The following CACNA2D1 variants were observed in gnomAD, a reference collection of about 807,000 sequenced individuals.
The protein encoded by CACNA2D1 is voltage-dependent calcium channel subunit alpha-2/delta-1.
A neutral mutation model predicts 171.5 loss-of-function variants in CACNA2D1; 53 were observed. The observed-to-expected ratio is 0.31, with a 90% CI of 0.25 to 0.39. CACNA2D1 has a LOEUF of 0.39. CACNA2D1 is among the 10% of genes least tolerant of loss of function. The pLI, the probability that CACNA2D1 is intolerant of heterozygous loss-of-function variation, is 1.00. For missense variants in CACNA2D1, 903 were observed against 1,299.8 expected (o/e 0.69, Z 4.69); for synonymous variants, 442 against 443.1 (o/e 1.00, Z 0.03).
intron 5 of CACNA2D1, among the ~76,000 whole-genome samples, chr7:82,135,145 G>A (rs745711719): frequency 3.7e-4 from 57 of 152,098 alleles, no homozygotes; most frequent in Non-Finnish European, 3.1e-4. Context: ...CTTAATTGGA[G>A]GATTGCACGT....
intron 3 of CACNA2D1, among the ~76,000 whole-genome samples, chr7:82,261,031 T>C (rs1335377687): frequency 1.3e-5 from 2 of 152,034 alleles, no homozygotes; most frequent in Non-Finnish European, 2.9e-5. Context: ...CTCGGCTTAC[T>C]GCAAGCTCCG....
intron 12 of CACNA2D1, among the ~76,000 whole-genome samples, chr7:82,027,383 G>T (rs1802066634): frequency 6.6e-6 from 1 of 151,680 alleles, no homozygotes; most frequent in Admixed American, 6.6e-5. Context: ...CATATGAAAT[G>T]TGGGACAGCA....
chr7:82,001,030 AG>A (rs1017944405), intron 18 of CACNA2D1, among the ~76,000 whole-genome samples: 1 of 151,964 alleles, frequency 6.6e-6, no homozygotes, highest in African/African-American at 2.4e-5. Context: ...GCTAAGCTAT[AG>A]GAAGTATCCT....
At chr7:82,219,574 T>A (rs1801532650) in intron 3 of CACNA2D1, among the ~76,000 whole-genome samples, 1 of 152,144 alleles carries the variant, frequency 6.6e-6, no homozygotes, top group South Asian at 2.1e-4. Context: ...TGACATTAAG[T>A]TGTGTTTTAA....
chr7:82,205,295 T>C (rs1325808273), intron 3 of CACNA2D1, among the ~76,000 whole-genome samples: 2 of 152,222 alleles, frequency 1.3e-5, no homozygotes, highest in Non-Finnish European at 2.9e-5. Context: ...TAAAATCATA[T>C]ATTTGCAATG....
In CACNA2D1 at chr7:82,005,929, T is replaced by C. The variant is rs2302384; in HGVS notation, c.1441-90A>G. The C allele has an allele frequency of 5.4e-3, 4,405 of 808,272 alleles. 36 individuals carry two copies. The highest frequency in any genetic ancestry group is 0.028 in the East Asian group (1,137 of 40,734). The allele number at this position is 808,272 out of a possible 1,614,324, so 50.1% of individuals were successfully genotyped here. Reference sequence around the variant, plus strand: ...ATATGATCATCTTTTGCTTGCATTATGGTTATATTCCACATTAGTTTAAAT... The same window carrying C: ...ATATGATCATCTTTTGCTTGCATTACGGTTATATTCCACATTAGTTTAAAT... On this transcript the variant is annotated intron_variant, in intron 16 of 38. Transcript: ENST00000356860.
chr7:82,383,749 C>T (rs1823980828), intron 1 of CACNA2D1, among the ~76,000 whole-genome samples: 1 of 152,160 alleles, frequency 6.6e-6, no homozygotes, highest in Admixed American at 6.5e-5. Flanking sequence ...CTACATTCTC[C>T]TATTATGAGT....
intron 7 of CACNA2D1, among the ~76,000 whole-genome samples, chr7:82,082,967 C>T (rs1046960839): frequency 6.6e-6 from 1 of 151,906 alleles, no homozygotes. Context: ...GTTCATAATA[C>T]AACTTATCTT....
At chr7:81,964,157 G>C in intron 33 of CACNA2D1, 49 bp from the exon 34 acceptor site, 1 of 1,606,892 alleles carries the variant, frequency 6.2e-7, no homozygotes, top group East Asian at 2.2e-5. Flanking sequence ...TTGATACTGA[G>C]GACACTTGAG....
At chr7:81,962,081 G>A (rs1794194514) in intron 35 of CACNA2D1, 58 bp from the exon 36 acceptor site, 7 of 1,542,234 alleles carry the variant, frequency 4.5e-6, no homozygotes, top group Non-Finnish European at 6.3e-6. Flanking sequence ...GGTCTCTGTA[G>A]TCACTCCCCT....
At chr7:82,044,255 T>TTTAAAGGCAGGC (rs1295075765) in intron 10 of CACNA2D1, among the ~76,000 whole-genome samples, 6 of 152,180 alleles carry the variant, frequency 3.9e-5, no homozygotes, top group Non-Finnish European at 7.3e-5. Flanking sequence ...ATTCTAAATG[T>TTTAAAGGCAGGC]TTAAAGGCAG....
intron 3 of CACNA2D1, among the ~76,000 whole-genome samples, chr7:82,314,195 T>G (rs1264563200): frequency 1.3e-5 from 2 of 152,196 alleles, no homozygotes; most frequent in East Asian, 3.8e-4. Flanking sequence ...TTTGCTTGAT[T>G]TAATTTTTTT....
chr7:82,421,760 T>G (rs554408792), intron 1 of CACNA2D1, among the ~76,000 whole-genome samples: 1 of 152,228 alleles, frequency 6.6e-6, no homozygotes, highest in Admixed American at 6.5e-5. Flanking sequence ...AGATGCGCCT[T>G]AATTCACCAT....
At chr7:82,153,736 T>C (rs1258694974) in intron 4 of CACNA2D1, among the ~76,000 whole-genome samples, 1 of 152,000 alleles carries the variant, frequency 6.6e-6, no homozygotes, top group Non-Finnish European at 1.5e-5. Context: ...ATAAAGAAAA[T>C]TGTTTTAAAA....
intron 10 of CACNA2D1, among the ~76,000 whole-genome samples, chr7:82,058,266 T>C (rs1298126606): frequency 6.6e-6 from 1 of 152,146 alleles, no homozygotes; most frequent in Non-Finnish European, 1.5e-5. Context: ...ACCTCCCAAA[T>C]ACACTATTTA....
intron 3 of CACNA2D1, among the ~76,000 whole-genome samples, chr7:82,204,340 T>C (rs1799797791): frequency 6.6e-6 from 1 of 152,164 alleles, no homozygotes; most frequent in Admixed American, 6.5e-5. Flanking sequence ...CAAAAGTAAC[T>C]AGTTGGTCAC....
At chr7:82,374,121 A>T (rs1822741851) in intron 1 of CACNA2D1, among the ~76,000 whole-genome samples, 1 of 152,216 alleles carries the variant, frequency 6.6e-6, no homozygotes, top group African/African-American at 2.4e-5. Flanking sequence ...CTTGCCAGGG[A>T]ACATTACACT....
At chr7:82,392,849 C>T (rs913296778) in intron 1 of CACNA2D1, among the ~76,000 whole-genome samples, 5 of 151,772 alleles carry the variant, frequency 3.3e-5, no homozygotes, top group African/African-American at 1.2e-4. Flanking sequence ...TGCTTGAGTG[C>T]CTCTATAAGG....
chr7:81,985,645 C>T (rs1364529296), intron 21 of CACNA2D1, among the ~76,000 whole-genome samples: 1 of 152,140 alleles, frequency 6.6e-6, no homozygotes, highest in Non-Finnish European at 1.5e-5. Flanking sequence ...GTTTGCTAAG[C>T]TCATTAGTTT....
Sources: gnomAD v4.1 joint callset for allele counts (sites outside exome capture counted in the v4.1 genomes callset) on GRCh38, gnomAD v4.1.1 for gene constraint, MANE v1.5 for transcripts, NCBI Gene and HGNC (gene_info 2026-07-23, HGNC 2026-07-21) for gene names.